TOPBP1: variants seen among roughly 807,000 people sequenced by gnomAD.
TOPBP1 encodes the protein DNA topoisomerase 2-binding protein 1.
In TOPBP1, 28 loss-of-function variants were observed where a neutral mutation model predicts 167.7. The ratio of observed to expected loss-of-function variants is 0.17; its 90% CI spans 0.12 to 0.23. TOPBP1 has a LOEUF of 0.23. TOPBP1 is among the 10% of genes least tolerant of loss of function. TOPBP1 has a pLI of 1.00. For missense variants in TOPBP1, 1,554 were observed against 1,809.6 expected, an observed-to-expected ratio of 0.86 and a Z score of 2.56; for synonymous variants, 598 against 611.4, an observed-to-expected ratio of 0.98 and a Z score of 0.32.
chr3:133,616,478 C>CTA (rs1934885482), intron 23 of TOPBP1, among the ~76,000 whole-genome samples: 2 of 152,254 alleles, frequency 1.3e-5, no homozygotes, highest in South Asian at 4.1e-4. Context: ...GAGCTCCTCT[C>CTA]TAGATATTAT....
intron 14 of TOPBP1, 37 bp from the exon 15 acceptor site, chr3:133,628,770 AAGAGAG>A (rs747863535): frequency 6.9e-7 from 1 of 1,440,390 alleles, no homozygotes; most frequent in African/African-American, 1.4e-5. Flanking sequence ...TGGAGAAAAG[AAGAGAG>A]AGAGAGAGAA....
chr3:133,601,539 C>A (rs1235026047), intron 27 of TOPBP1, 146 bp from the exon 28 acceptor site: 1 of 626,786 alleles, frequency 1.6e-6, no homozygotes. Flanking sequence ...TAGGTTCCAG[C>A]AAATTAAACA....
rs181061700 is a variant in TOPBP1 at position 133,629,810 on chromosome 3, G to A, written c.2521-1077C>T. ...GTATATATATATATATTTTTGAGACGGAGTCTCGCTCTGTCACCCAGGCTG... is the reference window on the plus strand; with the variant it reads ...GTATATATATATATATTTTTGAGACAGAGTCTCGCTCTGTCACCCAGGCTG... On this transcript the variant is annotated intron_variant, in intron 14 of 27. Transcript: ENST00000260810. 2.8e-3 allele frequency among the ~76,000 whole-genome samples: 429 copies of A among 151,520 alleles called. 1 individual carries two copies. Among genetic ancestry groups the A allele is most frequent in the African/African-American group, 9.6e-3 (397 of 41,312 alleles).
Position 133,612,494 on chromosome 3 carries a change from T to C in TOPBP1, c.3930A>G (p.Gly1310=). ...FDPTCTHIVV[G]HPLRNEKYLA... Reference sequence around the variant, plus strand: ...AATACTTCTCGTTTCGAAGTGGATGTCCCACAACAATGTGTGTACAGGTGG... The same window carrying C: ...AATACTTCTCGTTTCGAAGTGGATGCCCCACAACAATGTGTGTACAGGTGG... The change falls in exon 24 of 28, where the codon GGA becomes GGG. Residue 1310 remains glycine (G), a synonymous_variant. Coordinates refer to ENST00000260810, the MANE Select transcript of TOPBP1 (RefSeq NM_007027.4). The C allele has an allele frequency of 6.2e-7, 1 of 1,613,964 alleles. No homozygotes were observed. The highest frequency in any genetic ancestry group is 1.6e-4 in the Middle Eastern group (1 of 6,062).
intron 23 of TOPBP1, among the ~76,000 whole-genome samples, chr3:133,615,695 T>C (rs1250433241): frequency 6.6e-6 from 1 of 151,570 alleles, no homozygotes; most frequent in Non-Finnish European, 1.5e-5. Context: ...TTACTTTATA[T>C]AAAAAAAAAC....
At chr3:133,618,007 A>T (rs535380871) in intron 21 of TOPBP1, 4 of 536,214 alleles carry the variant, frequency 7.5e-6, no homozygotes, top group Non-Finnish European at 1.3e-5. Flanking sequence ...TTCCAAATTT[A>T]TGAAAATGTT....
intron 10 of TOPBP1, 66 bp downstream of exon 10, chr3:133,649,317 A>G (rs1306708217): frequency 2.2e-5 from 34 of 1,525,406 alleles, no homozygotes; most frequent in Non-Finnish European, 2.1e-5. Context: ...CAGAAATCAC[A>G]TATGTACGTA....
At chr3:133,605,762 T>C (rs1425970304) in intron 27 of TOPBP1, among the ~76,000 whole-genome samples, 1 of 152,208 alleles carries the variant, frequency 6.6e-6, no homozygotes, top group Non-Finnish European at 1.5e-5. Context: ...CTTGAGGTCC[T>C]AGCCACATAA....
intron 25 of TOPBP1, among the ~76,000 whole-genome samples, chr3:133,609,830 G>GT (rs1934613763): frequency 6.6e-6 from 1 of 152,136 alleles, no homozygotes; most frequent in Non-Finnish European, 1.5e-5. Context: ...TCATAGCAGC[G>GT]TGAGAACGAA....
In TOPBP1 at chr3:133,618,425, C is replaced by T. The variant is rs976881364; in HGVS notation, c.3380G>A (p.Arg1127His). 20 of 1,613,280 alleles carry T rather than the reference C, an allele frequency of 1.2e-5. No homozygotes were observed. Among genetic ancestry groups the T allele is most frequent in the Admixed American group, 6.7e-5 (4 of 59,966 alleles). The change falls in exon 21 of 28, where the codon CGT becomes CAT. Residue 1127 changes from arginine (R) to histidine (H), a missense_variant. Physicochemically the swap from Arg to His is conservative, Grantham distance 29. Around this residue, in one of 3 missense-constraint regions of TOPBP1, gnomAD observed 1,197 missense variants for 1,351.5 expected, o/e 0.89. Transcript: ENST00000260810. The stretch of plus-strand genomic sequence containing the variant: ...TGTGTTGACATCAGGTACTGTCTGA[C>T]GAGACTGCCTAAGGAATAGAAGTGA... ...SRVLEALRQSRQTVPDVNTEP... is the reference protein window; with the variant it reads ...SRVLEALRQSHQTVPDVNTEP...
Position 133,631,766 on chromosome 3 carries a change from T to C in TOPBP1, c.2521-3033A>G, listed in dbSNP as rs1043215590. 2.0e-5 allele frequency among the ~76,000 whole-genome samples: 3 copies of C among 152,116 alleles called. No individual in the cohort carries two copies. The South Asian group carries it at 6.2e-4, about 32-fold the overall frequency. On this transcript the variant is annotated intron_variant, in intron 14 of 27. Coordinates refer to ENST00000260810, the MANE Select transcript of TOPBP1 (RefSeq NM_007027.4). ...GATTCTCTTGCCTCAGTCTCTCGAG[T>C]AGCTGGGATTACAGGCATATGCCAT...
intron 27 of TOPBP1, among the ~76,000 whole-genome samples, chr3:133,602,374 G>A (rs1322375419): frequency 3.3e-5 from 5 of 152,160 alleles, no homozygotes; most frequent in African/African-American, 4.8e-5. Context: ...CAATCAACCT[G>A]CACTCCAAAC....
rs751209458 is a variant in TOPBP1 at position 133,649,389 on chromosome 3, T to C, written c.1498A>G (p.Thr500Ala). ...LLSQYENGSS[T>A]VVEAKTSEAR... ...CTAATCAAGCATTTCTTACCTACTG[T>C]GGAGCTACCATTTTCATATTGAGAG... The change falls in exon 10 of 28, where the codon ACA becomes GCA. Residue 500 changes from threonine (T) to alanine (A), a missense_variant. Transcript: ENST00000260810. The C allele has an allele frequency of 2.5e-6, 4 of 1,612,718 alleles. No homozygotes were observed. The African/African-American group carries it at 5.3e-5, about 22-fold the overall frequency.
intron 19 of TOPBP1, among the ~76,000 whole-genome samples, chr3:133,622,149 C>T (rs140050884): frequency 2.7e-5 from 4 of 148,158 alleles, no homozygotes; most frequent in Non-Finnish European, 5.9e-5. Flanking sequence ...AAAAGATCAG[C>T]GTATGAAATA....
At position 133,624,864 on chromosome 3, in the gene TOPBP1, T is replaced by G. The variant is rs549580933; in HGVS notation, c.2805-689A>C. 2.0e-5 allele frequency among the ~76,000 whole-genome samples: 3 copies of G among 152,348 alleles called. No homozygotes were observed. The South Asian group carries it at 6.2e-4, about 32-fold the overall frequency. ...AACTAAGGGACATGGTTCAGTACCC[T>G]GTTCAAGGATACTCAATGAGTAAAT... On this transcript the variant is annotated intron_variant, in intron 16 of 27. Transcript: ENST00000260810.
Position 133,600,639 on chromosome 3 carries a change from C to G in TOPBP1, c.*611G>C, listed in dbSNP as rs1934257631. On this transcript the variant is annotated 3_prime_UTR_variant, in exon 28 of 28. Transcript: ENST00000260810. ...AAAAAATTTATCTATGTAAACACAT[C>G]TTAATACTAATTTGAGTTACTACTT... is the stretch of plus-strand genomic sequence containing the variant. 1 of 152,694 alleles carries G rather than the reference C, an allele frequency of 6.5e-6. No homozygotes were observed. The highest frequency in any genetic ancestry group is 1.5e-5 in the Non-Finnish European group (1 of 68,084). The allele number at this position is 152,694 out of a possible 1,614,324, so 9.5% of individuals were successfully genotyped here.
chr3:133,602,864 C>T (rs1934353507), intron 27 of TOPBP1, among the ~76,000 whole-genome samples: 1 of 150,888 alleles, frequency 6.6e-6, no homozygotes, highest in African/African-American at 2.4e-5. Context: ...AATGAACCAA[C>T]TTGGATGCAA....
chr3:133,644,216 C>G lies in TOPBP1; in HGVS notation c.1652G>C (p.Gly551Ala). Residue 551 changes from glycine (G) to alanine (A), a missense_variant, in exon 11 of 28, where the codon GGC becomes GCC. By Grantham distance (60) the Gly-to-Ala change is moderately conservative. Transcript: ENST00000260810. ...VPDVSTITEE[G>A]LFSQKSFLVL... ...AAGGAAACTCTTTTGGCTAAATAAG[C>G]CTTCTTCAGTAATTGTAGAAACATC... is the stretch of plus-strand genomic sequence containing the variant. 3 of 1,613,796 alleles carry G rather than the reference C, an allele frequency of 1.9e-6. No individual in the cohort carries two copies. The highest frequency in any genetic ancestry group is 1.7e-5 in the Admixed American group (1 of 59,968).
At chr3:133,601,687 A>G (rs768256441) in intron 27 of TOPBP1, among the ~76,000 whole-genome samples, 15 of 152,350 alleles carry the variant, frequency 9.8e-5, no homozygotes, top group Non-Finnish European at 1.9e-4. Flanking sequence ...AAAATAAAAA[A>G]GGTTAAATGA....
Sources: gnomAD v4.1 joint callset for allele counts (sites outside exome capture counted in the v4.1 genomes callset) on GRCh38, gnomAD v4.1.1 for gene constraint, gnomAD v4.1.1 regional missense constraint, MANE v1.5 for transcripts, NCBI Gene and HGNC (gene_info 2026-07-23, HGNC 2026-07-21) for gene names.